ASF1A: variants seen among roughly 807,000 people sequenced by gnomAD.
ASF1A encodes anti-silencing function 1A histone chaperone.
In ASF1A, 5 loss-of-function variants were observed where a neutral mutation model predicts 22.0. The observed-to-expected ratio is 0.23, with a 90% CI of 0.12 to 0.48. ASF1A has a LOEUF of 0.48. Among genes scored for constraint, ASF1A ranks in the 20% least tolerant of loss-of-function variants. ASF1A has a pLI of 0.99. For synonymous variants in ASF1A, 97 were observed against 86.7 expected, an observed-to-expected ratio of 1.12 and a Z score of -0.66; for missense variants, 137 against 240.6, an observed-to-expected ratio of 0.57 and a Z score of 2.85.
intron 1 of ASF1A, among the ~76,000 whole-genome samples, chr6:118,895,405 A>T (rs1779324207): frequency 6.6e-6 from 1 of 152,224 alleles, no homozygotes; most frequent in Non-Finnish European, 1.5e-5. Context: ...CAGAAATAAG[A>T]TACTTAAATA....
chr6:118,895,022 C>G (rs1460191408), intron 1 of ASF1A, among the ~76,000 whole-genome samples: 1 of 152,172 alleles, frequency 6.6e-6, no homozygotes, highest in Admixed American at 6.5e-5. Flanking sequence ...CCGCCGCCCG[C>G]CTGCCCCCGG....
intron 2 of ASF1A, chr6:118,901,150 C>T (rs1779775397): frequency 3.9e-6 from 1 of 254,260 alleles, no homozygotes; most frequent in Non-Finnish European, 7.5e-6. Context: ...TATCATGGCA[C>T]ACAGGGTGGT....
intron 2 of ASF1A, among the ~76,000 whole-genome samples, chr6:118,903,688 G>A (rs1440489511): frequency 6.6e-6 from 1 of 152,220 alleles, no homozygotes. Flanking sequence ...TTCAGGATGT[G>A]AGCGAAGGAC....
chr6:118,908,944 A>G lies in ASF1A; in HGVS notation c.*1330A>G, dbSNP rs1780350160. Reference sequence around the variant, plus strand: ...GGATTCTGAGTTGTATATATTTCCTATCATTCTAAAAAAGTGAATTTGTGA... The same window carrying G: ...GGATTCTGAGTTGTATATATTTCCTGTCATTCTAAAAAAGTGAATTTGTGA... On this transcript the variant is annotated 3_prime_UTR_variant, in exon 4 of 4. Coordinates refer to ENST00000229595, the MANE Select transcript of ASF1A (RefSeq NM_014034.3). The G allele has an allele frequency of 6.6e-6, 1 of 152,624 alleles. No individual in the cohort carries two copies. Among genetic ancestry groups the G allele is most frequent in the African/African-American group, 2.4e-5 (1 of 41,456 alleles). 9.5% of individuals were successfully genotyped at this position (152,624 alleles called of 1,614,324 possible).
intron 2 of ASF1A, among the ~76,000 whole-genome samples, chr6:118,905,331 C>T (rs1780104809): frequency 6.7e-6 from 1 of 149,358 alleles, no homozygotes; most frequent in African/African-American, 2.5e-5. Flanking sequence ...AAATCAATTG[C>T]TGACTATAAA....
intron 1 of ASF1A, among the ~76,000 whole-genome samples, chr6:118,899,589 C>T (rs1361775076): frequency 6.6e-6 from 1 of 152,118 alleles, no homozygotes; most frequent in African/African-American, 2.4e-5. Context: ...TGGTTTAGTT[C>T]TAGGACAGAG....
At chr6:118,901,802 A>G (rs777289335) in intron 2 of ASF1A, among the ~76,000 whole-genome samples, 4 of 152,238 alleles carry the variant, frequency 2.6e-5, no homozygotes, top group Admixed American at 6.5e-5. Flanking sequence ...GAACTCACTG[A>G]AAAGACTTAA....
At chr6:118,897,707 TAA>T (rs1779523107) in intron 1 of ASF1A, among the ~76,000 whole-genome samples, 1 of 152,018 alleles carries the variant, frequency 6.6e-6, no homozygotes, top group African/African-American at 2.4e-5. Context: ...TGTGATTAAA[TAA>T]AAGTTAACTT....
Position 118,905,632 on chromosome 6 carries a change from T to C in ASF1A, c.226-20T>C. ...AGCCTTTTGTGTGTGTGTGTTTCTT[T>C]TCTTTTTAATTTATTCTAGGCTGAT... On this transcript the variant is annotated intron_variant, in intron 2 of 3. Transcript: ENST00000229595. 6.3e-7 allele frequency: 1 copy of C among 1,575,756 alleles called. No homozygotes were observed. Among genetic ancestry groups the C allele is most frequent in the Non-Finnish European group, 8.6e-7 (1 of 1,159,280 alleles).
intron 1 of ASF1A, among the ~76,000 whole-genome samples, chr6:118,900,048 G>A (rs771396907): frequency 1.3e-5 from 2 of 152,106 alleles, no homozygotes; most frequent in African/African-American, 2.4e-5. Context: ...TACATATAAC[G>A]CCTTGAATTG....
At chr6:118,895,914 T>C (rs1305807643) in intron 1 of ASF1A, among the ~76,000 whole-genome samples, 1 of 152,092 alleles carries the variant, frequency 6.6e-6, no homozygotes, top group Non-Finnish European at 1.5e-5. Flanking sequence ...TATAAAACAA[T>C]ATATATTCAT....
chr6:118,894,184 TGCTACTTATCAGA>T lies in ASF1A; in HGVS notation c.-227_-215del. On this transcript the variant is annotated 5_prime_UTR_variant, in exon 1 of 4. Coordinates refer to ENST00000229595, the MANE Select transcript of ASF1A (RefSeq NM_014034.3). ...GGGTGCAGCCAATCGAGGGCAACGC[TGCTACTTATCAGA>T]GCAGAATGGGCTGTAGTTTAGTGAA... 3.1e-6 allele frequency: 4 copies of T among 1,298,472 alleles called. No individual in the cohort carries two copies. The highest frequency in any genetic ancestry group is 3.9e-6 in the Non-Finnish European group (4 of 1,021,398). 80.4% of individuals were successfully genotyped at this position (1,298,472 alleles called of 1,614,324 possible). A position where few individuals can be genotyped will look rare whatever the true frequency, so the allele number is the denominator to read the frequency against.
chr6:118,894,610 G>A, intron 1 of ASF1A, 88 bp downstream of exon 1: 1 of 1,178,994 alleles, frequency 8.5e-7, no homozygotes. Context: ...CTGGGCGGCT[G>A]TGTTCGGCGC....
chr6:118,894,408 C>G lies in ASF1A; in HGVS notation c.-6C>G. 2 of 1,536,674 alleles carry G rather than the reference C, an allele frequency of 1.3e-6. No individual in the cohort carries two copies. Among genetic ancestry groups the G allele is most frequent in the Non-Finnish European group, 1.7e-6 (2 of 1,146,664 alleles). On this transcript the variant is annotated 5_prime_UTR_variant, in exon 1 of 4. Transcript: ENST00000229595. ...CAGTTCCCATTGTTTGTGTTTTTTT[C>G]AAAATATGGCAAAGGTTCAGGTGAA...
At chr6:118,895,675 ATTATC>A (rs1218805814) in intron 1 of ASF1A, among the ~76,000 whole-genome samples, 2 of 152,166 alleles carry the variant, frequency 1.3e-5, no homozygotes, top group African/African-American at 2.4e-5. Flanking sequence ...TAAAACGACA[ATTATC>A]TTTGCTTTAA....
chr6:118,894,769 G>A (rs916935683), intron 1 of ASF1A, among the ~76,000 whole-genome samples: 2 of 152,232 alleles, frequency 1.3e-5, no homozygotes, highest in African/African-American at 4.8e-5. Context: ...AGGTAGCCAT[G>A]TTGTCAGCTT....
intron 2 of ASF1A, among the ~76,000 whole-genome samples, chr6:118,903,379 C>G (rs541773659): frequency 6.6e-6 from 1 of 152,220 alleles, no homozygotes; most frequent in East Asian, 1.9e-4. Context: ...TCATAAACCC[C>G]TTCAGGGCAG....
At chr6:118,904,477 A>T (rs1417695841) in intron 2 of ASF1A, among the ~76,000 whole-genome samples, 1 of 152,166 alleles carries the variant, frequency 6.6e-6, no homozygotes, top group Non-Finnish European at 1.5e-5. Flanking sequence ...ACCACCCAGA[A>T]TGGCTGCCTC....
intron 1 of ASF1A, among the ~76,000 whole-genome samples, chr6:118,896,207 A>C (rs1047330428): frequency 1.3e-5 from 2 of 152,106 alleles, no homozygotes; most frequent in African/African-American, 2.4e-5. Flanking sequence ...CTCCTATGAT[A>C]CTACTATTAA....
Sources: gnomAD v4.1 joint callset for allele counts (sites outside exome capture counted in the v4.1 genomes callset) on GRCh38, gnomAD v4.1.1 for gene constraint, MANE v1.5 for transcripts, NCBI Gene and HGNC (gene_info 2026-07-23, HGNC 2026-07-21) for gene names.